The following CRYBG1 variants were observed in gnomAD, a reference collection of about 807,000 sequenced individuals.
CRYBG1 encodes crystallin beta-gamma domain containing 1.
In CRYBG1, 139 loss-of-function variants were observed where a neutral mutation model predicts 189.2. The observed-to-expected ratio is 0.73, with a 90% confidence interval of 0.64 to 0.85. The LOEUF is 0.85. Among genes scored for constraint, CRYBG1 ranks in the 40% least tolerant of loss-of-function variants. CRYBG1 has a pLI of 0.00. For synonymous variants in CRYBG1, 1,023 were observed against 1,017.1 expected, an observed-to-expected ratio of 1.01 and a Z score of -0.11; for missense variants, 2,611 against 2,675.8, an observed-to-expected ratio of 0.98 and a Z score of 0.53.
At chr6:106,435,531 T>A (rs1166968120) in intron 1 of CRYBG1, among the ~76,000 whole-genome samples, 1 of 152,180 alleles carries the variant, frequency 6.6e-6, no homozygotes, top group South Asian at 2.1e-4. Context: ...TCAAAACAGA[T>A]GTTGGCTGCA....
intron 1 of CRYBG1, among the ~76,000 whole-genome samples, chr6:106,361,907 G>A (rs1384713498): frequency 6.8e-6 from 1 of 146,838 alleles, no homozygotes; most frequent in Non-Finnish European, 1.5e-5. Flanking sequence ...CCCTATGAGG[G>A]CCAGAATAAA....
chr6:106,392,531 T>G (rs1403682061), intron 1 of CRYBG1, among the ~76,000 whole-genome samples: 2 of 151,400 alleles, frequency 1.3e-5, no homozygotes, highest in South Asian at 4.2e-4. Flanking sequence ...AAGAGGGGAG[T>G]GGGGGACACA....
Position 106,512,734 on chromosome 6 carries a change from G to A in CRYBG1, c.1617G>A (p.Glu539=), listed in dbSNP as rs1338549155. 5 of 1,566,790 alleles carry A rather than the reference G, an allele frequency of 3.2e-6. No homozygotes were observed. The highest frequency in any genetic ancestry group is 3.5e-6 in the Non-Finnish European group (4 of 1,156,288). The change falls in exon 3 of 22, where the codon GAG becomes GAA. Residue 539 remains glutamate, a synonymous_variant. Transcript: ENST00000633556. ...PASGPRAPAK[E]SPPKRVPDPS... is the part of the protein sequence containing the mutation. ...GCGGCCCCCGGGCTCCCGCCAAGGA[G>A]TCCCCACCCAAGAGGGTGCCCGATC...
intron 2 of CRYBG1, among the ~76,000 whole-genome samples, chr6:106,511,167 A>G (rs1773250164): frequency 6.6e-6 from 1 of 152,210 alleles, no homozygotes; most frequent in Non-Finnish European, 1.5e-5. Flanking sequence ...TGGACCGTTC[A>G]AATTTTCCTT....
At chr6:106,497,165 A>T (rs1772869843) in intron 2 of CRYBG1, among the ~76,000 whole-genome samples, 1 of 150,198 alleles carries the variant, frequency 6.7e-6, no homozygotes, top group Non-Finnish European at 1.5e-5. Flanking sequence ...ACCCCCCATG[A>T]CACCAGCCCA....
intron 3 of CRYBG1, 123 bp from the exon 4 acceptor site, chr6:106,518,999 ACACACACAC>A: frequency 1.1e-5 from 10 of 902,908 alleles, no homozygotes; most frequent in South Asian, 1.7e-5. Context: ...ACATACACAC[ACACACACAC>A]CACACTCCAA....
At chr6:106,396,446 C>T (rs1770612543) in intron 1 of CRYBG1, among the ~76,000 whole-genome samples, 1 of 152,130 alleles carries the variant, frequency 6.6e-6, no homozygotes, top group African/African-American at 2.4e-5. Flanking sequence ...GAGAATTCTA[C>T]AACTTTTGCT....
intron 1 of CRYBG1, among the ~76,000 whole-genome samples, chr6:106,406,751 G>C (rs1028185041): frequency 6.6e-6 from 1 of 152,174 alleles, no homozygotes; most frequent in Non-Finnish European, 1.5e-5. Flanking sequence ...TTGAAGAAAA[G>C]AATTTTCAAC....
chr6:106,436,899 A>C (rs1484891718), intron 1 of CRYBG1, among the ~76,000 whole-genome samples: 3 of 131,484 alleles, frequency 2.3e-5, no homozygotes, highest in Admixed American at 7.2e-5. Context: ...GACTGTAGCA[A>C]TTAATATAAC....
chr6:106,368,394 C>A (rs1423932003), intron 1 of CRYBG1, among the ~76,000 whole-genome samples: 1 of 152,128 alleles, frequency 6.6e-6, no homozygotes, highest in Non-Finnish European at 1.5e-5. Flanking sequence ...TGTGTCTGGT[C>A]AACATGAGAA....
intron 2 of CRYBG1, among the ~76,000 whole-genome samples, chr6:106,499,181 C>T (rs2114506504): frequency 7.7e-6 from 1 of 130,084 alleles, no homozygotes; most frequent in Non-Finnish European, 1.6e-5. Context: ...GAGACGGAGT[C>T]TCTCTCTGTC....
At chr6:106,469,198 A>G (rs966946937) in intron 2 of CRYBG1, among the ~76,000 whole-genome samples, 1 of 152,172 alleles carries the variant, frequency 6.6e-6, no homozygotes, top group Non-Finnish European at 1.5e-5. Flanking sequence ...TCTGCCTAGA[A>G]TGCACTTGCC....
intron 1 of CRYBG1, among the ~76,000 whole-genome samples, chr6:106,394,708 T>C (rs184078236): frequency 5.1e-4 from 77 of 152,310 alleles, no homozygotes; most frequent in African/African-American, 1.7e-3. Context: ...AACCATGTAA[T>C]TTCTGCTTGT....
intron 1 of CRYBG1, among the ~76,000 whole-genome samples, chr6:106,435,978 A>G (rs1771445464): frequency 6.6e-6 from 1 of 152,214 alleles, no homozygotes; most frequent in South Asian, 2.1e-4. Context: ...GGAAAAAGAA[A>G]TTGAGACTGG....
At chr6:106,386,605 C>T (rs1225086243) in intron 1 of CRYBG1, among the ~76,000 whole-genome samples, 1 of 143,480 alleles carries the variant, frequency 7.0e-6, no homozygotes, top group Non-Finnish European at 1.5e-5. Flanking sequence ...GCCCCAGCTC[C>T]ACCTCAGATC....
At chr6:106,433,157 A>G (rs924292619) in intron 1 of CRYBG1, among the ~76,000 whole-genome samples, 1 of 152,132 alleles carries the variant, frequency 6.6e-6, no homozygotes, top group African/African-American at 2.4e-5. Context: ...CTGTTCTTAC[A>G]CTAATATTAT....
intron 2 of CRYBG1, among the ~76,000 whole-genome samples, chr6:106,488,060 G>A (rs956733379): frequency 6.6e-5 from 10 of 152,176 alleles, no homozygotes; most frequent in Admixed American, 5.2e-4. Context: ...TCTTCATAAA[G>A]ATTCTTCAGC....
Position 106,520,838 on chromosome 6 carries a change from C to G in CRYBG1, c.3630C>G (p.Asn1210Lys). 6.2e-7 allele frequency: 1 copy of G among 1,614,086 alleles called. No homozygotes were observed. The highest frequency in any genetic ancestry group is 8.5e-7 in the Non-Finnish European group (1 of 1,180,000). Residue 1210 changes from asparagine (N) to lysine (K), a missense_variant, in exon 4 of 22, where the codon AAC (asparagine) becomes AAG (lysine). Physicochemically the swap from Asn to Lys is moderately conservative, Grantham distance 94. Transcript: ENST00000633556. ...CCCTGCACACCAACACTAATGGGAA[C>G]AGTGAGCCTCTGGTGATGCCGGAAA... Reference protein sequence around the residue: ...FKSLHTNTNGNSEPLVMPEIN... With the variant: ...FKSLHTNTNGKSEPLVMPEIN...
At chr6:106,529,474 A>T (rs756677316) in intron 7 of CRYBG1, among the ~76,000 whole-genome samples, 2 of 152,196 alleles carry the variant, frequency 1.3e-5, no homozygotes, top group Non-Finnish European at 2.9e-5. Flanking sequence ...GAAAAGCCTC[A>T]TCTGAGCTTA....
Sources: allele counts gnomAD v4.1 joint callset (sites outside exome capture counted in the v4.1 genomes callset), GRCh38; gene constraint gnomAD v4.1.1; transcripts MANE v1.5; gene names NCBI Gene and HGNC (gene_info 2026-07-23, HGNC 2026-07-21).